Variants in HMCN1 observed in about 807,000 individuals in gnomAD.
The protein encoded by HMCN1 is hemicentin-1.
HMCN1 carries 321 observed loss-of-function variants against 625.9 expected under a neutral mutation model. The ratio of observed to expected loss-of-function variants is 0.51; its 90% CI spans 0.47 to 0.56. HMCN1 has a LOEUF of 0.56. Among genes scored for constraint, HMCN1 ranks in the 20% least tolerant of loss-of-function variants. The pLI is 0.00. For synonymous variants in HMCN1, 2,425 were observed against 2,417.6 expected (o/e 1.00, Z -0.09); for missense variants, 6,588 against 6,887.3 (o/e 0.96, Z 1.54).
chr1:186,080,717 A>G (rs1454908037), intron 55 of HMCN1, among the ~76,000 whole-genome samples: 4 of 152,164 alleles, frequency 2.6e-5, no homozygotes, highest in Admixed American at 2.6e-4. Context: ...ACTGGTGCTG[A>G]GGCTGGGAAA....
chr1:185,958,566 A>G lies in HMCN1; in HGVS notation c.1829-3952A>G, dbSNP rs142461128. Among the ~76,000 whole-genome samples, 11 of 152,330 alleles carry G rather than the reference A, an allele frequency of 7.2e-5. No homozygotes were observed. In the East Asian group the frequency reaches 2.1e-3, roughly 29 times the overall value. ...TGGTCATGCTTTGTCACACGTTGCT[A>G]TATAGAGGAATACTGCTAATAATAG... On this transcript the variant is annotated intron_variant, in intron 11 of 106. Coordinates refer to ENST00000271588, the MANE Select transcript of HMCN1 (RefSeq NM_031935.3).
chr1:185,813,204 T>G (rs1659636773), intron 1 of HMCN1, among the ~76,000 whole-genome samples: 1 of 152,168 alleles, frequency 6.6e-6, no homozygotes, highest in African/African-American at 2.4e-5. Flanking sequence ...AACTTTGGTT[T>G]GTTTATTAAA....
intron 4 of HMCN1, among the ~76,000 whole-genome samples, chr1:185,877,359 C>CCATGCT (rs1664017972): frequency 8.1e-6 from 1 of 123,762 alleles, no homozygotes; most frequent in Admixed American, 8.9e-5. Context: ...TTTACCAGTA[C>CCATGCT]CATGCTCGCC....
chr1:185,958,945 G>GTTCCTAATCC (rs1443643449), intron 11 of HMCN1, among the ~76,000 whole-genome samples: 1 of 152,156 alleles, frequency 6.6e-6, no homozygotes, highest in East Asian at 1.9e-4. Flanking sequence ...CTGACTACTA[G>GTTCCTAATCC]AAAGAGATTT....
intron 46 of HMCN1, among the ~76,000 whole-genome samples, chr1:186,060,399 A>G (rs140648939): frequency 1.2e-3 from 177 of 152,072 alleles, no homozygotes; most frequent in African/African-American, 4.0e-3. Context: ...GTTGGACCTT[A>G]CTCCTCAAAT....
chr1:186,052,932 A>T lies in HMCN1; in HGVS notation c.6578-20A>T, dbSNP rs1433496069. 6.3e-7 allele frequency: 1 copy of T among 1,586,868 alleles called. No individual in the cohort carries two copies. The highest frequency in any genetic ancestry group is 8.6e-7 in the Non-Finnish European group (1 of 1,156,182). The stretch of plus-strand genomic sequence containing the variant: ...TCTATATGAAATGAGTGGAAAAATC[A>T]TATTTTTATTTTTTTCTAGTCCCCC... On this transcript the variant is annotated intron_variant, in intron 42 of 106. Transcript: ENST00000271588.
intron 68 of HMCN1, among the ~76,000 whole-genome samples, chr1:186,102,821 G>C (rs1660444285): frequency 6.6e-6 from 1 of 152,134 alleles, no homozygotes; most frequent in South Asian, 2.1e-4. Context: ...AATTACCAAA[G>C]TTGGGAGTAG....
At chr1:185,946,846 A>ATG (rs1345912268) in intron 11 of HMCN1, among the ~76,000 whole-genome samples, 1 of 152,374 alleles carries the variant, frequency 6.6e-6, no homozygotes, top group East Asian at 1.9e-4. Context: ...AACCTTTGCC[A>ATG]TGTATATATA....
chr1:185,974,014 G>C (rs553008562), intron 15 of HMCN1, among the ~76,000 whole-genome samples: 20 of 152,208 alleles, frequency 1.3e-4, no homozygotes, highest in African/African-American at 4.8e-4. Context: ...ATAATTTTAT[G>C]GAATAATTTT....
chr1:185,893,352 A>C (rs1003490982), intron 4 of HMCN1, among the ~76,000 whole-genome samples: 1 of 152,170 alleles, frequency 6.6e-6, no homozygotes, highest in Non-Finnish European at 1.5e-5. Context: ...GAGACTTAAA[A>C]GCCTGAAATT....
chr1:185,812,401 T>A (rs1394135206), intron 1 of HMCN1, among the ~76,000 whole-genome samples: 1 of 152,170 alleles, frequency 6.6e-6, no homozygotes, highest in Non-Finnish European at 1.5e-5. Flanking sequence ...TTATTGGACC[T>A]GTTTCTTTAA....
intron 2 of HMCN1, among the ~76,000 whole-genome samples, chr1:185,846,509 A>G (rs764901780): frequency 5.9e-5 from 9 of 152,242 alleles, no homozygotes; most frequent in Non-Finnish European, 1.0e-4. Context: ...GCTATAAGTC[A>G]GCCATATGAA....
At chr1:185,972,735 G>T (rs1466927582) in intron 15 of HMCN1, among the ~76,000 whole-genome samples, 1 of 152,084 alleles carries the variant, frequency 6.6e-6, no homozygotes, top group Non-Finnish European at 1.5e-5. Flanking sequence ...AATGTTAGGA[G>T]TTGCTTCATT....
rs1454866260 is a variant in HMCN1, at chr1:185,910,572, C to T, written c.793+1064C>T. On this transcript the variant is annotated intron_variant, in intron 5 of 106. Transcript: ENST00000271588. ...CTTATAACTTATTTCTTTCTTCCTT[C>T]TTTTTTTTTTTTTTTTGACATGGAG... Among the ~76,000 whole-genome samples the T allele has an allele frequency of 7.7e-3, 1,075 of 140,306 alleles. 12 individuals carry two copies. The highest frequency in any genetic ancestry group is 0.025 in the African/African-American group (961 of 37,970). 92.0% of individuals were successfully genotyped at this position (140,306 alleles called of 152,430 possible). A position where few individuals can be genotyped will look rare whatever the true frequency, so the allele number is the denominator to read the frequency against.
At chr1:186,129,086 AAATCT>A (rs1661792090) in intron 83 of HMCN1, among the ~76,000 whole-genome samples, 1 of 152,068 alleles carries the variant, frequency 6.6e-6, no homozygotes, top group African/African-American at 2.4e-5. Context: ...AGACACTAAA[AAATCT>A]AATCTATATT....
At chr1:185,837,040 A>AATAT (rs974654953) in intron 1 of HMCN1, among the ~76,000 whole-genome samples, 1 of 149,002 alleles carries the variant, frequency 6.7e-6, no homozygotes, top group Admixed American at 6.7e-5. Flanking sequence ...GTATATATAA[A>AATAT]ATATATATAT....
In HMCN1 at chr1:186,088,265, A is replaced by T; in HGVS notation, c.9566A>T (p.His3189Leu). 1.9e-6 allele frequency: 3 copies of T among 1,612,832 alleles called. No homozygotes were observed. In the East Asian group the frequency reaches 6.7e-5, roughly 36 times the overall value. ...PPPTIAWLKN[H>L]KRIENSDSLE... ...CCCACGATAGCATGGTTAAAGAACC[A>T]CAAGCGCATAGGTAAGGCAACCATG... Residue 3189 changes from histidine (H) to leucine (L), a missense_variant, in exon 62 of 107, where the codon CAC becomes CTC. Around this residue, in one of 3 missense-constraint regions of HMCN1, gnomAD observed 4,628 missense variants for 4,853.1 expected, o/e 0.95. Coordinates refer to ENST00000271588, the MANE Select transcript of HMCN1 (RefSeq NM_031935.3).
intron 11 of HMCN1, among the ~76,000 whole-genome samples, chr1:185,945,735 A>T (rs1054918915): frequency 6.6e-6 from 1 of 152,160 alleles, no homozygotes; most frequent in African/African-American, 2.4e-5. Context: ...GGAGAAAACT[A>T]CATGTGCAAA....
Position 185,760,268 on chromosome 1 carries a change from A to G in HMCN1, c.268+25221A>G, listed in dbSNP as rs186875947. On this transcript the variant is annotated intron_variant, in intron 1 of 106. Transcript: ENST00000271588. ...GAGTGGTTTCGTCTAGGAGCCAGTC[A>G]TCAAGTTGGATAGAGAGTATTCCAA... 1.9e-3 allele frequency among the ~76,000 whole-genome samples: 284 copies of G among 152,354 alleles called. 3 individuals carry two copies. Among genetic ancestry groups the G allele is most frequent in the Middle Eastern group, 3.4e-3 (1 of 294 alleles).
Sources: allele counts gnomAD v4.1 joint callset (sites outside exome capture counted in the v4.1 genomes callset), GRCh38; gene constraint gnomAD v4.1.1; regional missense constraint gnomAD v4.1.1; transcripts MANE v1.5; gene names NCBI Gene and HGNC (gene_info 2026-07-23, HGNC 2026-07-21).